RPAP1: variants seen among roughly 807,000 people sequenced by gnomAD.
The protein encoded by RPAP1 is RNA polymerase II-associated protein 1.
In RPAP1, 109 loss-of-function variants were observed where a neutral mutation model predicts 142.4. The ratio of observed to expected loss-of-function variants is 0.77; its 90% CI spans 0.66 to 0.90. RPAP1 has a LOEUF of 0.90. RPAP1 is among the 40% of genes least tolerant of loss of function. The probability of loss-of-function intolerance (pLI) is 0.00; values close to 1 mark genes in which losing one functional copy is unlikely to be tolerated. For synonymous variants in RPAP1, 704 were observed against 738.9 expected (o/e 0.95, Z 0.77); for missense variants, 1,546 against 1,751.7 (o/e 0.88, Z 2.10).
chr15:41,536,320 G>T (rs2051906771), intron 3 of RPAP1, 102 bp from the exon 4 acceptor site: 15 of 1,309,930 alleles, frequency 1.1e-5, no homozygotes, highest in African/African-American at 1.5e-5. Context: ...ACCTCACTCT[G>T]GGGGGTTACG....
chr15:41,536,970 G>GT lies in RPAP1; in HGVS notation c.155dup (p.Asp52GlufsTer36). On this transcript the variant is annotated frameshift_variant, in exon 2 of 25. Transcript: ENST00000304330. LOFTEE classifies it high-confidence loss of function. The stretch of plus-strand genomic sequence containing the variant: ...TGTCCAACATCACCACATCCCGATG[G>GT]TCCTGGAGCGGAGGCCGGTCTGAGT... The GT allele has an allele frequency of 1.2e-6, 2 of 1,614,122 alleles. No individual in the cohort carries two copies. The highest frequency in any genetic ancestry group is 1.7e-6 in the Non-Finnish European group (2 of 1,180,020).
At chr15:41,530,513 A>G (rs912927471) in intron 7 of RPAP1, among the ~76,000 whole-genome samples, 2 of 152,168 alleles carry the variant, frequency 1.3e-5, no homozygotes, top group African/African-American at 2.4e-5. Context: ...CTCATAATTC[A>G]ATTTCTTATT....
At chr15:41,543,201 CTTTTTTTTTTTT>C (rs71104794) in intron 1 of RPAP1, among the ~76,000 whole-genome samples, 3 of 78,936 alleles carry the variant, frequency 3.8e-5, no homozygotes, top group African/African-American at 1.6e-4. Context: ...CAATGCTGTC[CTTTTTTTTTTTT>C]TTTTTTTTTT....
At chr15:41,521,175 G>A in intron 21 of RPAP1, 28 bp from the exon 22 acceptor site, 1 of 1,509,634 alleles carries the variant, frequency 6.6e-7, no homozygotes, top group Non-Finnish European at 8.8e-7. Flanking sequence ...AGCCAAAAAT[G>A]AGGGCTGGAA....
chr15:41,543,563 G>A (rs766558204), intron 1 of RPAP1, among the ~76,000 whole-genome samples: 10 of 152,056 alleles, frequency 6.6e-5, no homozygotes, highest in Non-Finnish European at 1.3e-4. Flanking sequence ...TGAGTAACAG[G>A]TCCTATATAA....
chr15:41,542,193 T>C (rs1017642177), intron 1 of RPAP1, among the ~76,000 whole-genome samples: 1 of 152,184 alleles, frequency 6.6e-6, no homozygotes, highest in African/African-American at 2.4e-5. Context: ...ATTATCTCTC[T>C]TTGCCCACAC....
intron 19 of RPAP1, 49 bp from the exon 20 acceptor site, chr15:41,522,299 T>C (rs768278813): frequency 6.4e-7 from 1 of 1,566,072 alleles, no homozygotes; most frequent in South Asian, 1.2e-5. Context: ...TCTCATGCCT[T>C]CTAGGGCTCC....
rs1338821820 is a variant in RPAP1 at position 41,531,146 on chromosome 15, C to G, written c.820G>C (p.Glu274Gln). The change falls in exon 7 of 25, where the codon GAG becomes CAG. Residue 274 changes from glutamate (E) to glutamine (Q), a missense_variant. This residue lies in a region of RPAP1 where 1,333 missense variants were observed against 1,486.6 expected (regional missense o/e 0.90). Transcript: ENST00000304330. ...GGCCTCTGCTCCTCAGAGGCTGTCT[C>G]TCCTGTTTGCTCTTGCGTGTGGCTG... is the stretch of plus-strand genomic sequence containing the variant. ...SHSHTQEQTGETASEEQRPGG... is the reference protein window; with the variant it reads ...SHSHTQEQTGQTASEEQRPGG... 39 of 1,613,862 alleles carry G rather than the reference C, an allele frequency of 2.4e-5. No homozygotes were observed. Among genetic ancestry groups the G allele is most frequent in the Non-Finnish European group, 3.3e-5 (39 of 1,179,920 alleles).
intron 15 of RPAP1, among the ~76,000 whole-genome samples, chr15:41,524,663 A>G (rs2051770311): frequency 6.6e-6 from 1 of 151,848 alleles, no homozygotes; most frequent in Non-Finnish European, 1.5e-5. Context: ...TTTAATAGAG[A>G]CGGGGTTTCA....
rs575802592 is a variant in RPAP1, at chr15:41,524,686, G to C, written c.2075+305C>G. On this transcript the variant is annotated intron_variant, in intron 15 of 24. Transcript: ENST00000304330. ...AGACGGGGTTTCACCATATTGGCCA[G>C]GATGGTCTCGAACTCCTGACTTCGT... Among the ~76,000 whole-genome samples, 12 of 152,202 alleles carry C rather than the reference G, an allele frequency of 7.9e-5. No homozygotes were observed. The South Asian group carries it at 2.5e-3, about 32-fold the overall frequency.
In RPAP1 at chr15:41,527,994, C is replaced by T. The variant is rs1200665488; in HGVS notation, c.1294G>A (p.Gly432Ser). Residue 432 changes from glycine (G) to serine (S), a missense_variant, in exon 11 of 25, where the codon GGC (glycine) becomes AGC (serine). This residue lies in a region of RPAP1 where 1,333 missense variants were observed against 1,486.6 expected (regional missense o/e 0.90). Transcript: ENST00000304330. ...TCCAAAAGGAGGCTTAAGACACTGCCTGCTAGCCGGTCCCCAAACTCACCA... is the reference window on the plus strand; with the variant it reads ...TCCAAAAGGAGGCTTAAGACACTGCTTGCTAGCCGGTCCCCAAACTCACCA... ...QAGEFGDRLA[G>S]SVLSLLLDAG... 1 of 1,614,050 alleles carries T rather than the reference C, an allele frequency of 6.2e-7. No individual in the cohort carries two copies. Among genetic ancestry groups the T allele is most frequent in the Admixed American group, 1.7e-5 (1 of 59,998 alleles).
chr15:41,533,845 A>C (rs2051879933), intron 6 of RPAP1, among the ~76,000 whole-genome samples: 1 of 150,692 alleles, frequency 6.6e-6, no homozygotes, highest in Admixed American at 6.7e-5. Context: ...TCTTAAAAAA[A>C]AAAAAAAACC....
intron 24 of RPAP1, 52 bp downstream of exon 24, chr15:41,517,746 C>G: frequency 1.9e-6 from 3 of 1,614,116 alleles, no homozygotes; most frequent in Admixed American, 1.7e-5. Context: ...GTTGTGGTCT[C>G]TGTCCCCCAA....
Position 41,524,113 on chromosome 15 carries a change from G to C in RPAP1, c.2217C>G (p.Thr739=), listed in dbSNP as rs202122322. ...TAAACTACCTGATGGTTTCAGCAGGGGTACTGCCGGCTGCCAGGGTTAGCT... is the reference window on the plus strand; with the variant it reads ...TAAACTACCTGATGGTTTCAGCAGGCGTACTGCCGGCTGCCAGGGTTAGCT... The part of the protein sequence containing the change: ...LTQLTLAAGS[T]PAETISDSAE... The change falls in exon 16 of 25, where the codon ACC becomes ACG. Residue 739 remains threonine, a synonymous_variant. Coordinates refer to ENST00000304330, the MANE Select transcript of RPAP1 (RefSeq NM_015540.4). The C allele has an allele frequency of 1.9e-6, 3 of 1,590,212 alleles. No individual in the cohort carries two copies. The African/African-American group carries it at 4.0e-5, about 21-fold the overall frequency.
At chr15:41,524,401 G>T (rs551312849) in intron 15 of RPAP1, 147 bp from the exon 16 acceptor site, 1 of 578,070 alleles carries the variant, frequency 1.7e-6, no homozygotes, top group Non-Finnish European at 2.8e-6. Flanking sequence ...CAGCCCTAAA[G>T]AATGGAAAGG....
intron 22 of RPAP1, among the ~76,000 whole-genome samples, chr15:41,518,946 GTGGTGTGA>G (rs2051697946): frequency 6.6e-6 from 1 of 152,240 alleles, no homozygotes; most frequent in Non-Finnish European, 1.5e-5. Context: ...CTGGAATGCA[GTGGTGTGA>G]TCATAGCTCA....
rs750540432 is a variant in RPAP1 at position 41,524,101 on chromosome 15, G to A, written c.2229C>T (p.Thr743=). The change falls in exon 16 of 25, where the codon ACC becomes ACT. Residue 743 remains threonine, a synonymous_variant. Coordinates refer to ENST00000304330, the MANE Select transcript of RPAP1 (RefSeq NM_015540.4). The stretch of plus-strand genomic sequence containing the variant: ...GGGTCCTGGCTATAAACTACCTGAT[G>A]GTTTCAGCAGGGGTACTGCCGGCTG... ...TLAAGSTPAE[T]ISDSAEASLS... 1.9e-6 allele frequency: 3 copies of A among 1,589,082 alleles called. No individual in the cohort carries two copies. Among genetic ancestry groups the A allele is most frequent in the African/African-American group, 2.7e-5 (2 of 74,508 alleles).
chr15:41,522,764 C>T lies in RPAP1; in HGVS notation c.2742+1G>A. The T allele has an allele frequency of 7.5e-7, 1 of 1,335,726 alleles. No individual in the cohort carries two copies. The highest frequency in any genetic ancestry group is 9.8e-7 in the Non-Finnish European group (1 of 1,023,128). 82.7% of individuals were successfully genotyped at this position (1,335,726 alleles called of 1,614,324 possible). A position where few individuals can be genotyped will look rare whatever the true frequency, so the allele number is the denominator to read the frequency against. On this transcript the variant is annotated splice_donor_variant, in intron 19 of 24. Coordinates refer to ENST00000304330, the MANE Select transcript of RPAP1 (RefSeq NM_015540.4). LOFTEE classifies it high-confidence loss of function. Reference sequence around the variant, plus strand: ...CCCCTAATCAGGCACCCCACACTTACCTGGCCACACAGCCCCTTGTGGATC... The same window carrying T: ...CCCCTAATCAGGCACCCCACACTTATCTGGCCACACAGCCCCTTGTGGATC...
chr15:41,526,180 C>A (rs2051788398), intron 14 of RPAP1, among the ~76,000 whole-genome samples: 1 of 152,158 alleles, frequency 6.6e-6, no homozygotes, highest in African/African-American at 2.4e-5. Context: ...GAACTCCTGA[C>A]CTCAAGTGAT....
Sources: allele counts gnomAD v4.1 joint callset (sites outside exome capture counted in the v4.1 genomes callset), GRCh38; gene constraint gnomAD v4.1.1; regional missense constraint gnomAD v4.1.1; transcripts MANE v1.5; gene names NCBI Gene and HGNC (gene_info 2026-07-23, HGNC 2026-07-21).